PAK2: variants seen among roughly 807,000 people sequenced by gnomAD.
The protein encoded by PAK2 is serine/threonine-protein kinase PAK 2.
PAK2 carries 21 observed loss-of-function variants against 65.9 expected under a neutral mutation model. The observed-to-expected ratio is 0.32, with a 90% CI of 0.23 to 0.46. PAK2 has a LOEUF of 0.46. Ranked by LOEUF, PAK2 falls within the 20% of genes least tolerant of loss-of-function variation. PAK2 has a pLI of 1.00. For missense variants in PAK2, 324 were observed against 642.6 expected (o/e 0.50, Z 5.36); for synonymous variants, 204 against 219.7 (o/e 0.93, Z 0.63).
At chr3:196,772,068 C>T (rs914372882) in intron 1 of PAK2, among the ~76,000 whole-genome samples, 12 of 152,192 alleles carry the variant, frequency 7.9e-5, no homozygotes, top group African/African-American at 2.9e-4. Context: ...TGTCCTTTGA[C>T]ACAGCATTCC....
intron 2 of PAK2, among the ~76,000 whole-genome samples, chr3:196,795,016 A>G (rs1397680857): frequency 6.6e-6 from 1 of 152,188 alleles, no homozygotes; most frequent in Non-Finnish European, 1.5e-5. Context: ...AACCAGACTA[A>G]ATATCCTCAT....
At chr3:196,779,890 C>T (rs1024052156) in intron 1 of PAK2, among the ~76,000 whole-genome samples, 2 of 152,168 alleles carry the variant, frequency 1.3e-5, no homozygotes, top group Non-Finnish European at 2.9e-5. Context: ...AAGTTGGTCT[C>T]GAACTCATGA....
chr3:196,812,320 G>C, intron 9 of PAK2, 53 bp downstream of exon 9: 2 of 1,018,250 alleles, frequency 2.0e-6, no homozygotes, highest in Non-Finnish European at 3.1e-6. Context: ...CATATAGGTG[G>C]AAACTAGATG....
chr3:196,807,742 A>G (rs770182335), intron 6 of PAK2, 40 bp from the exon 7 acceptor site: 17 of 1,198,086 alleles, frequency 1.4e-5, no homozygotes, highest in Non-Finnish European at 2.1e-5. Context: ...ATCTGAAAAC[A>G]TTATTCCTCA....
At chr3:196,761,729 G>T (rs1713972522) in intron 1 of PAK2, among the ~76,000 whole-genome samples, 1 of 146,132 alleles carries the variant, frequency 6.8e-6, no homozygotes, top group South Asian at 2.2e-4. Context: ...CCCAGTAGGG[G>T]CGGCCGGGCA....
At chr3:196,775,463 A>C (rs899795712) in intron 1 of PAK2, among the ~76,000 whole-genome samples, 2 of 151,736 alleles carry the variant, frequency 1.3e-5, no homozygotes, top group African/African-American at 4.8e-5. Context: ...GCTCACTGCA[A>C]GCTCCGCCTC....
chr3:196,787,307 A>G (rs1714921610), intron 2 of PAK2, among the ~76,000 whole-genome samples: 1 of 152,066 alleles, frequency 6.6e-6, no homozygotes, highest in African/African-American at 2.4e-5. Flanking sequence ...TGGGCCGGGC[A>G]CCGTGGCTTA....
chr3:196,759,118 G>C (rs1420710113), intron 1 of PAK2, among the ~76,000 whole-genome samples: 2 of 152,176 alleles, frequency 1.3e-5, no homozygotes, highest in African/African-American at 4.8e-5. Context: ...AGGAGGCATG[G>C]CTGTGAGGTC....
intron 11 of PAK2, among the ~76,000 whole-genome samples, chr3:196,817,643 A>G (rs1254107586): frequency 2.6e-5 from 4 of 151,732 alleles, no homozygotes; most frequent in African/African-American, 7.3e-5. Context: ...GTGAGCCACC[A>G]TGCCTGGCCT....
At chr3:196,810,783 T>G (rs915683710) in intron 8 of PAK2, 130 bp downstream of exon 8, 1 of 573,726 alleles carries the variant, frequency 1.7e-6, no homozygotes, top group Non-Finnish European at 3.1e-6. Flanking sequence ...CCTTGGGGGA[T>G]TTGTGTAAAT....
At chr3:196,808,014 G>A in intron 7 of PAK2, 100 bp downstream of exon 7, 1 of 1,159,972 alleles carries the variant, frequency 8.6e-7, no homozygotes, top group Non-Finnish European at 1.2e-6. Context: ...GTGACTTAAA[G>A]TATAAAGAAT....
intron 2 of PAK2, among the ~76,000 whole-genome samples, chr3:196,798,466 C>T (rs1715325170): frequency 6.6e-6 from 1 of 151,950 alleles, no homozygotes; most frequent in South Asian, 2.1e-4. Context: ...GCCTCAGCCT[C>T]CCTAGTAGGT....
At chr3:196,761,554 T>C (rs1341451563) in intron 1 of PAK2, among the ~76,000 whole-genome samples, 11 of 115,268 alleles carry the variant, frequency 9.5e-5, no homozygotes, top group East Asian at 4.9e-4. Flanking sequence ...CCATGTCTAC[T>C]TCTTTCTACA....
At chr3:196,751,737 A>ATT (rs1713607359) in intron 1 of PAK2, among the ~76,000 whole-genome samples, 2 of 95,580 alleles carry the variant, frequency 2.1e-5, no homozygotes, top group African/African-American at 4.9e-5. Context: ...ACACAAATGA[A>ATT]TTTCTTTTTT....
At chr3:196,817,159 T>A (rs898410914) in intron 11 of PAK2, among the ~76,000 whole-genome samples, 1 of 120,664 alleles carries the variant, frequency 8.3e-6, no homozygotes, top group Admixed American at 7.9e-5. Context: ...AGAGGCAATT[T>A]TTTTTTTTTT....
intron 4 of PAK2, among the ~76,000 whole-genome samples, chr3:196,804,234 A>G (rs760010764): frequency 4.6e-5 from 7 of 152,202 alleles, no homozygotes; most frequent in African/African-American, 1.2e-4. Flanking sequence ...AACAAAGGCC[A>G]TGTGCAAGGG....
chr3:196,796,022 T>G (rs1360469572), intron 2 of PAK2, among the ~76,000 whole-genome samples: 1 of 152,208 alleles, frequency 6.6e-6, no homozygotes, highest in African/African-American at 2.4e-5. Context: ...ATCCCTCGCG[T>G]GTGCAGTCCA....
chr3:196,776,565 G>A (rs1560100245), intron 1 of PAK2, among the ~76,000 whole-genome samples: 1 of 152,118 alleles, frequency 6.6e-6, no homozygotes, highest in Non-Finnish European at 1.5e-5. Flanking sequence ...TAGAAAACTT[G>A]TATCCACTAT....
chr3:196,770,529 C>T (rs926781164), intron 1 of PAK2, among the ~76,000 whole-genome samples: 1 of 151,770 alleles, frequency 6.6e-6, no homozygotes, highest in Non-Finnish European at 1.5e-5. Context: ...CGGCAAGACC[C>T]CATCTCTTAA....
Sources: gnomAD v4.1 joint callset for allele counts (sites outside exome capture counted in the v4.1 genomes callset) on GRCh38, gnomAD v4.1.1 for gene constraint, MANE v1.5 for transcripts, NCBI Gene and HGNC (gene_info 2026-07-23, HGNC 2026-07-21) for gene names.